FAM117A: variants seen among roughly 807,000 people sequenced by gnomAD.
FAM117A encodes the protein protein FAM117A.
FAM117A carries 21 observed loss-of-function variants against 44.1 expected under a neutral mutation model. The ratio of observed to expected loss-of-function variants is 0.48; its 90% CI spans 0.34 to 0.69. The LOEUF (loss-of-function observed/expected upper bound fraction) is 0.69. FAM117A is among the 30% of genes least tolerant of loss of function. FAM117A has a pLI of 0.01. For synonymous variants in FAM117A, 220 were observed against 238.3 expected (o/e 0.92, Z 0.71); for missense variants, 498 against 589.9 (o/e 0.84, Z 1.61).
intron 3 of FAM117A, among the ~76,000 whole-genome samples, chr17:49,721,607 G>A (rs182770515): frequency 9.8e-5 from 15 of 152,338 alleles, no homozygotes; most frequent in Admixed American, 8.5e-4. Flanking sequence ...GGCGTGCAGG[G>A]TGAGTCCTAT....
intron 1 of FAM117A, among the ~76,000 whole-genome samples, chr17:49,770,905 A>AAAAAAT (rs1199721886): frequency 6.6e-6 from 1 of 151,614 alleles, no homozygotes; most frequent in South Asian, 2.1e-4. Context: ...CCCTGTCTCA[A>AAAAAAT]AAAAATAAAA....
chr17:49,727,703 T>C (rs556428446), intron 2 of FAM117A, among the ~76,000 whole-genome samples: 1 of 152,282 alleles, frequency 6.6e-6, no homozygotes, highest in Admixed American at 6.5e-5. Flanking sequence ...AGGGGCGGGA[T>C]GAAGCTGAAA....
intron 1 of FAM117A, among the ~76,000 whole-genome samples, chr17:49,773,087 CA>C (rs1402694790): frequency 6.6e-6 from 1 of 152,026 alleles, no homozygotes; most frequent in Non-Finnish European, 1.5e-5. Context: ...GAGTGGATCA[CA>C]AGGTCAGGAA....
chr17:49,739,064 G>A (rs2143748122), intron 1 of FAM117A, among the ~76,000 whole-genome samples: 1 of 152,260 alleles, frequency 6.6e-6, no homozygotes, highest in African/African-American at 2.4e-5. Flanking sequence ...GAGGTGGGGA[G>A]GGTAGGTCTG....
At position 49,717,603 on chromosome 17, in the gene FAM117A, A is replaced by T. The variant is rs773174043; in HGVS notation, c.820T>A (p.Ser274Thr). 1.4e-5 allele frequency: 22 copies of T among 1,614,016 alleles called. No homozygotes were observed. The highest frequency in any genetic ancestry group is 1.7e-5 in the Non-Finnish European group (20 of 1,180,020). Residue 274 changes from serine (S) to threonine (T), a missense_variant, in exon 6 of 8, where the codon TCC becomes ACC. This residue lies in a region of FAM117A where 224 missense variants were observed against 296.5 expected (regional missense o/e 0.76). Transcript: ENST00000240364. ...PGNLASSPSM[S>T]LASPQPCGLA... ...CCACAAGGCTGGGGAGATGCCAAGG[A>T]CATGGAAGGAGAGCTGGCAAGGTTG...
At chr17:49,785,633 T>C (rs2073803499) in intron 1 of FAM117A, among the ~76,000 whole-genome samples, 1 of 152,212 alleles carries the variant, frequency 6.6e-6, no homozygotes, top group South Asian at 2.1e-4. Context: ...GTACAGCTGA[T>C]GATACAATAA....
At chr17:49,766,177 C>G (rs1043413260), upstream of FAM117A, among the ~76,000 whole-genome samples, 2 of 152,134 alleles carry the variant, frequency 1.3e-5, no homozygotes, top group African/African-American at 4.8e-5. Flanking sequence ...GTAACATGCC[C>G]AAGATTACCC....
In FAM117A at chr17:49,716,110, G is replaced by A. The variant is rs1314342003; in HGVS notation, c.1061+55C>T. 2.5e-6 allele frequency: 4 copies of A among 1,587,418 alleles called. No individual in the cohort carries two copies. In the Admixed American group the frequency reaches 6.8e-5, roughly 27 times the overall value. On this transcript the variant is annotated intron_variant, in intron 7 of 7. Transcript: ENST00000240364. ...GAGAGAGTCCAAGACTGAAGAAGGT[G>A]GGAGAATGTAGGCCCACCCTCCCCT...
chr17:49,774,764 G>T (rs942495915), intron 1 of FAM117A, among the ~76,000 whole-genome samples: 6 of 152,108 alleles, frequency 3.9e-5, no homozygotes, highest in African/African-American at 1.4e-4. Context: ...TAATATTCCT[G>T]ATCCACTCCT....
chr17:49,720,340 GC>G lies in FAM117A; in HGVS notation c.558del (p.Arg187GlyfsTer4). On this transcript the variant is annotated frameshift_variant, in exon 4 of 8. Transcript: ENST00000240364. LOFTEE classifies it high-confidence loss of function. ...RGSPLLGDHA[V>X]RGALRASPPS... Reference sequence around the variant, plus strand: ...AGAAAACATACCCTCAGTGCTCCCCGCACTGCGTGGTCCCCTAGGAGTGGTG... The same window carrying G: ...AGAAAACATACCCTCAGTGCTCCCCGACTGCGTGGTCCCCTAGGAGTGGTG... The G allele has an allele frequency of 6.2e-7, 1 of 1,613,222 alleles. No individual in the cohort carries two copies. Among genetic ancestry groups the G allele is most frequent in the Non-Finnish European group, 8.5e-7 (1 of 1,179,540 alleles).
chr17:49,786,881 C>T (rs1298601123), intron 1 of FAM117A, among the ~76,000 whole-genome samples: 2 of 151,704 alleles, frequency 1.3e-5, no homozygotes, highest in African/African-American at 2.4e-5. Flanking sequence ...CTCAGTAGGT[C>T]GAGACCAGCC....
In FAM117A at chr17:49,711,477, G is replaced by A. The variant is rs1334050807; in HGVS notation, c.1140C>T (p.Ala380=). 3.7e-6 allele frequency: 6 copies of A among 1,614,022 alleles called. No individual in the cohort carries two copies. In the Admixed American group the frequency reaches 6.7e-5, roughly 18 times the overall value. Residue 380 remains alanine, a synonymous_variant, in exon 8 of 8, where the codon GCC becomes GCT. Coordinates refer to ENST00000240364, the MANE Select transcript of FAM117A (RefSeq NM_030802.4). ...GCTTCATCAGGTTGACGGGGCAGAA[G>A]GCTGAGCCAGTCGGGTTGAAATGGA... ...NKVHFNPTGS[A]FCPVNLMKPL...
In FAM117A at chr17:49,715,674, C is replaced by T. The variant is rs117161148; in HGVS notation, c.1061+491G>A. On this transcript the variant is annotated intron_variant, in intron 7 of 7. Coordinates refer to ENST00000240364, the MANE Select transcript of FAM117A (RefSeq NM_030802.4). ...TTCATGACACTTGAACCACTGCAGC[C>T]ACAGGGTGAAGACTTGACTCCGAAG... Among the ~76,000 whole-genome samples, 452 of 152,272 alleles carry T rather than the reference C, an allele frequency of 3.0e-3. 2 individuals are homozygous for T. The highest frequency in any genetic ancestry group is 4.0e-3 in the Non-Finnish European group (269 of 68,020).
At chr17:49,730,489 T>C (rs929820608) in intron 2 of FAM117A, among the ~76,000 whole-genome samples, 5 of 152,164 alleles carry the variant, frequency 3.3e-5, no homozygotes, top group Admixed American at 6.5e-5. Flanking sequence ...GGATGGTGAC[T>C]TCCTAGAAGG....
At chr17:49,757,582 AAC>A (rs2073703854) in intron 1 of FAM117A, among the ~76,000 whole-genome samples, 1 of 152,088 alleles carries the variant, frequency 6.6e-6, no homozygotes, top group East Asian at 1.9e-4. Context: ...CTGTTACGAG[AAC>A]CTCCCACCAT....
intron 1 of FAM117A, among the ~76,000 whole-genome samples, chr17:49,787,566 T>C (rs140707315): frequency 1.3e-5 from 2 of 152,352 alleles, no homozygotes; most frequent in African/African-American, 4.8e-5. Flanking sequence ...AATCTCCATC[T>C]TAACGGGGCC....
chr17:49,783,059 G>T (rs550158691), intron 1 of FAM117A, among the ~76,000 whole-genome samples: 2 of 152,336 alleles, frequency 1.3e-5, no homozygotes, highest in South Asian at 2.1e-4. Context: ...ATAAAAAAAT[G>T]AAGGTTTATC....
chr17:49,736,418 G>C (rs973188650), intron 1 of FAM117A, among the ~76,000 whole-genome samples: 1 of 151,940 alleles, frequency 6.6e-6, no homozygotes, highest in Non-Finnish European at 1.5e-5. Flanking sequence ...CACCATGCCC[G>C]GCTAATTTTT....
chr17:49,744,631 CCA>C (rs1472823686), intron 1 of FAM117A, among the ~76,000 whole-genome samples: 1 of 151,712 alleles, frequency 6.6e-6, no homozygotes, highest in African/African-American at 2.4e-5. Flanking sequence ...CCCTGCAATC[CCA>C]CACTTTCTCT....
Sources: allele counts gnomAD v4.1 joint callset (sites outside exome capture counted in the v4.1 genomes callset), GRCh38; gene constraint gnomAD v4.1.1; regional missense constraint gnomAD v4.1.1; transcripts MANE v1.5; gene names NCBI Gene and HGNC (gene_info 2026-07-23, HGNC 2026-07-21).